CD81: variants seen among roughly 807,000 people sequenced by gnomAD.
CD81 encodes CD81 molecule, also known as CD81 antigen.
CD81 carries 10 observed loss-of-function variants against 30.1 expected under a neutral mutation model. That is an observed-to-expected ratio of 0.33 (90% confidence interval 0.21 to 0.56). The LOEUF is 0.56. Among genes scored for constraint, CD81 ranks in the 20% least tolerant of loss-of-function variants. CD81 has a pLI of 0.89. For missense variants in CD81, 263 were observed against 308.7 expected (o/e 0.85, Z 1.11); for synonymous variants, 147 against 126.4 (o/e 1.16, Z -1.10).
At chr11:2,393,325 C>T (rs563577901) in intron 2 of CD81, 4 of 154,696 alleles carry the variant, frequency 2.6e-5, no homozygotes, top group African/African-American at 7.2e-5. Context: ...GTGCGCCCCC[C>T]ACCCTTGGAC....
At chr11:2,379,382 G>A (rs1391281841) in intron 1 of CD81, among the ~76,000 whole-genome samples, 1 of 133,824 alleles carries the variant, frequency 7.5e-6, no homozygotes, top group African/African-American at 2.9e-5. Context: ...TAGGCCTGGG[G>A]GTGGGGGCTG....
At position 2,377,653 on chromosome 11, in the gene CD81, G is replaced by A; in HGVS notation, c.66+38G>A. 1 of 1,376,082 alleles carries A rather than the reference G, an allele frequency of 7.3e-7. No homozygotes were observed. Among genetic ancestry groups the A allele is most frequent in the Non-Finnish European group, 1.0e-6 (1 of 1,003,906 alleles). 85.2% of individuals were successfully genotyped at this position (1,376,082 alleles called of 1,614,324 possible). ...CCGGGGGCCGGGGCGGGAGGGGGCA[G>A]GCACACACTCCACGTTGGGCAGGTC... On this transcript the variant is annotated intron_variant, in intron 1 of 7. Coordinates refer to ENST00000263645, the MANE Select transcript of CD81 (RefSeq NM_004356.4). The surrounding 1 kb of genome is among the most constrained non-coding windows in gnomAD (Gnocchi z 7.7).
chr11:2,395,371 GA>G, intron 4 of CD81, 44 bp from the exon 5 acceptor site: 1 of 1,452,072 alleles, frequency 6.9e-7, no homozygotes, highest in Non-Finnish European at 9.7e-7. Context: ...TGGGGGCAAG[GA>G]GGGGGAGGTT....
At chr11:2,384,705 C>G (rs1311409096) in intron 1 of CD81, 1 of 180,458 alleles carries the variant, frequency 5.5e-6, no homozygotes, top group African/African-American at 2.4e-5. Flanking sequence ...CAGGGAGGTG[C>G]CTGTATGGAT....
chr11:2,380,861 G>A (rs927137248), intron 1 of CD81, among the ~76,000 whole-genome samples: 8 of 152,234 alleles, frequency 5.3e-5, no homozygotes, highest in African/African-American at 1.9e-4. Flanking sequence ...GGTGTCCCCC[G>A]CCTGGGACTG....
rs1181263270 is a variant in CD81 at position 2,377,412 on chromosome 11, C to G, written c.-138C>G. 6.1e-6 allele frequency: 1 copy of G among 163,306 alleles called. No individual in the cohort carries two copies. Among genetic ancestry groups the G allele is most frequent in the Admixed American group, 6.8e-5 (1 of 14,742 alleles). The allele number at this position is 163,306 out of a possible 1,614,324, so 10.1% of individuals were successfully genotyped here. ...CCCCACGCGCCCCCGCGCCCCCGCG[C>G]CCCCGCGCCCCTTTCTTCGCGCCCC... is the stretch of plus-strand genomic sequence containing the variant. On this transcript the variant is annotated 5_prime_UTR_variant, in exon 1 of 8. Coordinates refer to ENST00000263645, the MANE Select transcript of CD81 (RefSeq NM_004356.4). This position sits in a 1 kb window ranked among gnomAD's most constrained non-coding sequence, Gnocchi z 7.7.
rs76047388 is a variant in CD81, at chr11:2,389,518, C to T, written c.67-894C>T. 2.5e-3 allele frequency among the ~76,000 whole-genome samples: 388 copies of T among 152,196 alleles called. 2 individuals are homozygous for T. Among genetic ancestry groups the T allele is most frequent in the African/African-American group, 9.0e-3 (372 of 41,534 alleles). On this transcript the variant is annotated intron_variant, in intron 1 of 7. Transcript: ENST00000263645. ...CTGGTCTGGGGCCCAGTCTCAAGGG[C>T]AGACCCCACCTGGCTAGAGTTGATT... is the stretch of plus-strand genomic sequence containing the variant.
At chr11:2,390,343 G>A (rs760082022) in intron 1 of CD81, 69 bp from the exon 2 acceptor site, 17 of 1,219,462 alleles carry the variant, frequency 1.4e-5, no homozygotes, top group East Asian at 2.3e-5. Flanking sequence ...TAGGCCTTGC[G>A]TGTGGGGTGG....
chr11:2,379,207 G>T (rs1021988799), intron 1 of CD81: 6 of 455,348 alleles, frequency 1.3e-5, no homozygotes, highest in African/African-American at 1.2e-4. Context: ...CCCTGACGAG[G>T]CGAGTGTGGA....
intron 1 of CD81, chr11:2,386,436 G>A: frequency 1.5e-6 from 1 of 672,390 alleles, no homozygotes; most frequent in Admixed American, 2.0e-5. Flanking sequence ...CCACCACGGG[G>A]CTTGGGGATT....
Position 2,395,490 on chromosome 11 carries a change from C to G in CD81, c.429C>G (p.Ala143=). 2 of 1,612,676 alleles carry G rather than the reference C, an allele frequency of 1.2e-6. No individual in the cohort carries two copies. ...TGGTGGATGATGACGCCAACAACGCCAAGGCTGTGGTGAAGACCTTCCACG... is the reference window on the plus strand; with the variant it reads ...TGGTGGATGATGACGCCAACAACGCGAAGGCTGTGGTGAAGACCTTCCACG... The part of the protein sequence containing the change: ...QAVVDDDANN[A]KAVVKTFHET... Residue 143 remains alanine (A), a synonymous_variant, in exon 5 of 8, where the codon GCC becomes GCG. Coordinates refer to ENST00000263645, the MANE Select transcript of CD81 (RefSeq NM_004356.4).
At chr11:2,396,301 C>T (rs559229054) in intron 6 of CD81, 26 of 569,514 alleles carry the variant, frequency 4.6e-5, no homozygotes, top group Middle Eastern at 4.8e-4. Flanking sequence ...CCATATAGTG[C>T]CCTGTGGAAG....
chr11:2,391,228 G>A (rs1180930835), intron 2 of CD81: 1 of 158,794 alleles, frequency 6.3e-6, no homozygotes, highest in Admixed American at 5.9e-5. Flanking sequence ...GATGCTTCTG[G>A]CCTTGAAAGG....
At chr11:2,385,699 C>T (rs2133448847) in intron 1 of CD81, 1 of 340,684 alleles carries the variant, frequency 2.9e-6, no homozygotes, top group East Asian at 7.1e-5. Context: ...TGCCCGTCGT[C>T]TGTGCACCCG....
intron 4 of CD81, 134 bp from the exon 5 acceptor site, chr11:2,395,282 G>A (rs1327994871): frequency 1.3e-6 from 1 of 786,528 alleles, no homozygotes; most frequent in Non-Finnish European, 2.2e-6. Flanking sequence ...CAGAGTCCTT[G>A]TCCTCTGGGG....
At position 2,396,615 on chromosome 11, in the gene CD81, G is replaced by A. The variant is rs774616547; in HGVS notation, c.562-13G>A. 1 of 1,609,250 alleles carries A rather than the reference G, an allele frequency of 6.2e-7. No homozygotes were observed. Among genetic ancestry groups the A allele is most frequent in the Non-Finnish European group, 8.5e-7 (1 of 1,179,186 alleles). On this transcript the variant is annotated splice_polypyrimidine_tract_variant and intron_variant, in intron 6 of 7. Coordinates refer to ENST00000263645, the MANE Select transcript of CD81 (RefSeq NM_004356.4). ...CCCGGTCCCTGACCACGCGTGCCTG[G>A]CCACCCCTGCAGGAGGACTGCCACC...
At position 2,377,516 on chromosome 11, in the gene CD81, C is replaced by T; in HGVS notation, c.-34C>T. The T allele has an allele frequency of 8.1e-7, 1 of 1,232,018 alleles. No individual in the cohort carries two copies. The highest frequency in any genetic ancestry group is 1.1e-6 in the Non-Finnish European group (1 of 948,742). The allele number at this position is 1,232,018 out of a possible 1,614,324, so 76.3% of individuals were successfully genotyped here. ...GCCCGCCCGCCGCCCAGGACCGGCC[C>T]GCGCCCCGCAGGCCGCCCGCCGCCC... On this transcript the variant is annotated 5_prime_UTR_variant, in exon 1 of 8. Transcript: ENST00000263645. The surrounding 1 kb of genome is among the most constrained non-coding windows in gnomAD (Gnocchi z 7.7).
intron 1 of CD81, chr11:2,386,201 C>T (rs946119957): frequency 9.8e-6 from 7 of 713,330 alleles, no homozygotes; most frequent in African/African-American, 3.5e-5. Flanking sequence ...GTGGATCTTG[C>T]GGGGAAGGGT....
At position 2,382,818 on chromosome 11, in the gene CD81, G is replaced by A. The variant is rs563900772; in HGVS notation, c.66+5203G>A. Among the ~76,000 whole-genome samples the A allele has an allele frequency of 1.2e-4, 18 of 152,356 alleles. No homozygotes were observed. In the South Asian group the frequency reaches 3.3e-3, roughly 28 times the overall value. ...CCAGGACAGGCGAAGGACCCAGGCC[G>A]ATGGGGGCCCAGAACAGTCCTGATC... On this transcript the variant is annotated intron_variant, in intron 1 of 7. Transcript: ENST00000263645.
Sources: allele counts gnomAD v4.1 joint callset (sites outside exome capture counted in the v4.1 genomes callset), GRCh38; gene constraint gnomAD v4.1.1; non-coding constraint Gnocchi (gnomAD v3.1); transcripts MANE v1.5; gene names NCBI Gene and HGNC (gene_info 2026-07-23, HGNC 2026-07-21).